Variants in RFTN1 observed in about 807,000 individuals in gnomAD.
RFTN1 encodes the protein raftlin.
In RFTN1, 26 loss-of-function variants were observed where a neutral mutation model predicts 46.5. That is an observed-to-expected ratio of 0.56 (90% CI 0.41 to 0.78). RFTN1 has a LOEUF of 0.78. RFTN1 is among the 30% of genes least tolerant of loss of function. The probability of loss-of-function intolerance (pLI) is 0.00; values close to 1 mark genes in which losing one functional copy is unlikely to be tolerated. For missense variants in RFTN1, 693 were observed against 718.7 expected (o/e 0.96, Z 0.41); for synonymous variants, 261 against 284.2 (o/e 0.92, Z 0.82).
chr3:16,447,055 T>C lies in RFTN1; in HGVS notation c.146-13018A>G, dbSNP rs893373233. The stretch of plus-strand genomic sequence containing the variant: ...ACTTCTATCCACAAAAGAAGACCAC[T>C]CATTTGTTCAAAGGCACCACCCCAA... On this transcript the variant is annotated intron_variant, in intron 2 of 9. Transcript: ENST00000334133. The surrounding 1 kb of genome is among the most constrained non-coding windows in gnomAD (Gnocchi z 5.9). Among the ~76,000 whole-genome samples the C allele has an allele frequency of 4.6e-5, 7 of 152,158 alleles. No individual in the cohort carries two copies. Among genetic ancestry groups the C allele is most frequent in the African/African-American group, 1.7e-4 (7 of 41,428 alleles).
At position 16,356,123 on chromosome 3, in the gene RFTN1, T is replaced by G. The variant is rs1023881622; in HGVS notation, c.1146+1809A>C. Among the ~76,000 whole-genome samples the G allele has an allele frequency of 6.6e-6, 1 of 152,304 alleles. No individual in the cohort carries two copies. Among genetic ancestry groups the G allele is most frequent in the African/African-American group, 2.4e-5 (1 of 41,560 alleles). ...GGAGCCTTCACTCCACCACACGTGA[T>G]GGGCCATGTGACCTGCCCAGCTTAC... On this transcript the variant is annotated intron_variant, in intron 7 of 9. Coordinates refer to ENST00000334133, the MANE Select transcript of RFTN1 (RefSeq NM_015150.2). The surrounding 1 kb of genome is among the most constrained non-coding windows in gnomAD (Gnocchi z 4.9).
chr3:16,361,875 A>G lies in RFTN1; in HGVS notation c.1031-3828T>C, dbSNP rs1047275890. On this transcript the variant is annotated intron_variant, in intron 6 of 9. Transcript: ENST00000334133. The surrounding 1 kb of genome is among the most constrained non-coding windows in gnomAD (Gnocchi z 4.3). ...TTGGTTCTAGGGAGATGAAGGACAA[A>G]TGGAGCAGAGCTGCCGCAGTGGAGC... is the stretch of plus-strand genomic sequence containing the variant. 6.6e-6 allele frequency among the ~76,000 whole-genome samples: 1 copy of G among 152,208 alleles called. No individual in the cohort carries two copies. The highest frequency in any genetic ancestry group is 2.4e-5 in the African/African-American group (1 of 41,444).
Position 16,418,562 on chromosome 3 carries a change from T to C in RFTN1, c.333-9079A>G, listed in dbSNP as rs2075126783. On this transcript the variant is annotated intron_variant, in intron 3 of 9. Transcript: ENST00000334133. The surrounding 1 kb of genome is among the most constrained non-coding windows in gnomAD (Gnocchi z 5.0). ...GCACTTCTCCAGCCAGGAAAAAAAA[T>C]ACTAAACGTCAGTTGACAAAAACAA... Among the ~76,000 whole-genome samples the C allele has an allele frequency of 6.6e-6, 1 of 151,872 alleles. No homozygotes were observed. The highest frequency in any genetic ancestry group is 6.6e-5 in the Admixed American group (1 of 15,258).
At chr3:16,379,446 T>A (rs988869439) in intron 4 of RFTN1, among the ~76,000 whole-genome samples, 1 of 152,246 alleles carries the variant, frequency 6.6e-6, no homozygotes, top group Non-Finnish European at 1.5e-5. Flanking sequence ...AACAAAACGT[T>A]TCATCCTTCA....
rs2073985311 is a variant in RFTN1, at chr3:16,381,327, A to G, written c.442-3225T>C. On this transcript the variant is annotated intron_variant, in intron 4 of 9. Transcript: ENST00000334133. This position sits in a 1 kb window ranked among gnomAD's most constrained non-coding sequence, Gnocchi z 4.2. Reference sequence around the variant, plus strand: ...ATGGATGTTACTTTTAGAATTGAAAAAGTAAATATTGTAAAAATTCCTCAT... The same window carrying G: ...ATGGATGTTACTTTTAGAATTGAAAGAGTAAATATTGTAAAAATTCCTCAT... Among the ~76,000 whole-genome samples the G allele has an allele frequency of 6.6e-6, 1 of 152,218 alleles. No individual in the cohort carries two copies. Among genetic ancestry groups the G allele is most frequent in the African/African-American group, 2.4e-5 (1 of 41,458 alleles).
Position 16,504,151 on chromosome 3 carries a change from C to T in RFTN1, c.-9+9291G>A, listed in dbSNP as rs1425701890. 2.0e-5 allele frequency among the ~76,000 whole-genome samples: 3 copies of T among 152,082 alleles called. No individual in the cohort carries two copies. Among genetic ancestry groups the T allele is most frequent in the Non-Finnish European group, 2.9e-5 (2 of 67,998 alleles). The stretch of plus-strand genomic sequence containing the variant: ...ACTAAAAAAAAAATACCCAATAGTT[C>T]GTTTTATTAAGTAGTTAGGTCCAAA... On this transcript the variant is annotated intron_variant, in intron 1 of 9. Transcript: ENST00000334133. This position sits in a 1 kb window ranked among gnomAD's most constrained non-coding sequence, Gnocchi z 4.4.
intron 4 of RFTN1, among the ~76,000 whole-genome samples, chr3:16,386,848 C>T (rs909332379): frequency 4.6e-5 from 7 of 152,186 alleles, no homozygotes; most frequent in African/African-American, 1.4e-4. Flanking sequence ...GTCATAAGAG[C>T]CTACACTTGC....
At chr3:16,437,098 T>G (rs768815532) in intron 2 of RFTN1, among the ~76,000 whole-genome samples, 1 of 152,234 alleles carries the variant, frequency 6.6e-6, no homozygotes, top group Non-Finnish European at 1.5e-5. Flanking sequence ...CTCTGGAGCA[T>G]GCTAAAGTTT....
rs1391526327 is a variant in RFTN1 at position 16,459,941 on chromosome 3, AT to A, written c.146-25905del. ...TGGAAAACTAAGAAAATTAAATGTG[AT>A]TTTTTTCTTCTCAGATAACTGAAGC... On this transcript the variant is annotated intron_variant, in intron 2 of 9. Transcript: ENST00000334133. This position sits in a 1 kb window ranked among gnomAD's most constrained non-coding sequence, Gnocchi z 4.2. Among the ~76,000 whole-genome samples, 5 of 152,262 alleles carry A rather than the reference AT, an allele frequency of 3.3e-5. No individual in the cohort carries two copies. Among genetic ancestry groups the A allele is most frequent in the African/African-American group, 1.2e-4 (5 of 41,558 alleles).
At chr3:16,470,164 G>A (rs2076169419) in intron 2 of RFTN1, among the ~76,000 whole-genome samples, 2 of 152,036 alleles carry the variant, frequency 1.3e-5, no homozygotes, top group South Asian at 4.2e-4. Context: ...TCCACTTCTG[G>A]TATGACTGAG....
chr3:16,373,614 G>A (rs2073615985), intron 5 of RFTN1, among the ~76,000 whole-genome samples: 1 of 152,216 alleles, frequency 6.6e-6, no homozygotes, highest in South Asian at 2.1e-4. Context: ...GGACTGGCTG[G>A]GCCCTGCTGT....
chr3:16,476,481 A>T lies in RFTN1; in HGVS notation c.145+17244T>A, dbSNP rs191781449. ...GATGATCGTAAGTTCCACAAAGAAA[A>T]TAAGATAGAAACAGAGGTTGACAGT... On this transcript the variant is annotated intron_variant, in intron 2 of 9. Coordinates refer to ENST00000334133, the MANE Select transcript of RFTN1 (RefSeq NM_015150.2). Among the ~76,000 whole-genome samples the T allele has an allele frequency of 3.9e-3, 589 of 152,322 alleles. 3 individuals are homozygous for T. Among genetic ancestry groups the T allele is most frequent in the Middle Eastern group, 0.031 (9 of 294 alleles).
At chr3:16,378,328 G>C (rs62236293) in intron 4 of RFTN1, among the ~76,000 whole-genome samples, 11,704 of 152,292 alleles carry the variant, frequency 0.077, 501 homozygotes, top group Middle Eastern at 0.14. Flanking sequence ...CTGATGGAAA[G>C]ATAAAGCATT....
chr3:16,316,663 A>G lies in RFTN1; in HGVS notation c.*165T>C. On this transcript the variant is annotated 3_prime_UTR_variant, in exon 10 of 10. Coordinates refer to ENST00000334133, the MANE Select transcript of RFTN1 (RefSeq NM_015150.2). The surrounding 1 kb of genome is among the most constrained non-coding windows in gnomAD (Gnocchi z 4.5). The stretch of plus-strand genomic sequence containing the variant: ...TGGATGTGCAAAAACCAACACTGTC[A>G]GGAACCTGGCCCTGGGAGGGCTCAG... 1.3e-6 allele frequency: 1 copy of G among 756,168 alleles called. No homozygotes were observed. The highest frequency in any genetic ancestry group is 2.2e-6 in the Non-Finnish European group (1 of 445,868). The allele number at this position is 756,168 out of a possible 1,614,324, so 46.8% of individuals were successfully genotyped here. A position where few individuals can be genotyped will look rare whatever the true frequency, so the allele number is the denominator to read the frequency against.
chr3:16,436,358 A>C (rs199538887), intron 2 of RFTN1, among the ~76,000 whole-genome samples: 6 of 125,152 alleles, frequency 4.8e-5, no homozygotes, highest in Non-Finnish European at 1.1e-4. Context: ...GAAAAAAAAA[A>C]TTTTTTTTTT....
rs990458378 is a variant in RFTN1, at chr3:16,446,255, C to T, written c.146-12218G>A. 6.6e-6 allele frequency among the ~76,000 whole-genome samples: 1 copy of T among 151,288 alleles called. No individual in the cohort carries two copies. The highest frequency in any genetic ancestry group is 2.4e-5 in the African/African-American group (1 of 41,042). On this transcript the variant is annotated intron_variant, in intron 2 of 9. Transcript: ENST00000334133. The surrounding 1 kb of genome is among the most constrained non-coding windows in gnomAD (Gnocchi z 4.5). Reference sequence around the variant, plus strand: ...ACCATAATGAGTCCTGGAAAAGAGTCAGCCAGTGTAAAGCTCAGAGGAAAC... The same window carrying T: ...ACCATAATGAGTCCTGGAAAAGAGTTAGCCAGTGTAAAGCTCAGAGGAAAC...
rs2076239626 is a variant in RFTN1, at chr3:16,473,827, T to A, written c.145+19898A>T. Among the ~76,000 whole-genome samples the A allele has an allele frequency of 6.6e-6, 1 of 152,150 alleles. No homozygotes were observed. The highest frequency in any genetic ancestry group is 2.4e-5 in the African/African-American group (1 of 41,438). ...AAAGTCCTCCCACTTCTCCCTATCC[T>A]TCCCTGTCCTAGAAGCACGAAACCT... On this transcript the variant is annotated intron_variant, in intron 2 of 9. Coordinates refer to ENST00000334133, the MANE Select transcript of RFTN1 (RefSeq NM_015150.2). This position sits in a 1 kb window ranked among gnomAD's most constrained non-coding sequence, Gnocchi z 5.3.
At chr3:16,464,680 T>C (rs1406670268) in intron 2 of RFTN1, among the ~76,000 whole-genome samples, 1 of 152,394 alleles carries the variant, frequency 6.6e-6, no homozygotes, top group Admixed American at 6.5e-5. Context: ...CTGCCTGGTT[T>C]TGTAAATAAA....
At chr3:16,445,967 G>C (rs2124892513) in intron 2 of RFTN1, among the ~76,000 whole-genome samples, 1 of 151,638 alleles carries the variant, frequency 6.6e-6, no homozygotes, top group East Asian at 1.9e-4. Context: ...TTTCCACTGG[G>C]CCAGAACCCA....
Sources: allele counts gnomAD v4.1 joint callset (sites outside exome capture counted in the v4.1 genomes callset), GRCh38; gene constraint gnomAD v4.1.1; non-coding constraint Gnocchi (gnomAD v3.1); transcripts MANE v1.5; gene names NCBI Gene and HGNC (gene_info 2026-07-23, HGNC 2026-07-21).